The following PROC variants were observed in gnomAD, a reference collection of about 807,000 sequenced individuals.
The protein encoded by PROC is protein C, inactivator of coagulation factors Va and VIIIa.
A neutral mutation model predicts 36.3 loss-of-function variants in PROC; 22 were observed. That is an observed-to-expected ratio of 0.61 (90% confidence interval 0.43 to 0.86). PROC has a LOEUF of 0.86. Ranked by LOEUF, PROC falls within the 40% of genes least tolerant of loss-of-function variation. PROC has a pLI of 0.00. For synonymous variants in PROC, 218 were observed against 244.5 expected (o/e 0.89, Z 1.01); for missense variants, 526 against 629.7 (o/e 0.84, Z 1.76).
chr2:127,423,009 C>T (rs1409026267), intron 4 of PROC, 25 bp from the exon 5 acceptor site: 1 of 1,612,444 alleles, frequency 6.2e-7, no homozygotes, highest in African/African-American at 1.3e-5. Flanking sequence ...TGGCCGCTGA[C>T]CCCCTACCCC....
Position 127,426,392 on chromosome 2 carries a change from A to C in PROC, c.678+165A>C. On this transcript the variant is annotated intron_variant, in intron 7 of 8. Coordinates refer to ENST00000234071, the MANE Select transcript of PROC (RefSeq NM_000312.4). The surrounding 1 kb of genome is among the most constrained non-coding windows in gnomAD (Gnocchi z 7.0). ...TTCAGGGAAAGATGGACGCAACCTG[A>C]GGGGAGAGGAGCAGCCAGGGTGGGT... 1.4e-6 allele frequency: 1 copy of C among 710,310 alleles called. No homozygotes were observed. The highest frequency in any genetic ancestry group is 2.1e-6 in the Non-Finnish European group (1 of 477,984). 44.0% of individuals were successfully genotyped at this position (710,310 alleles called of 1,614,324 possible). A position where few individuals can be genotyped will look rare whatever the true frequency, so the allele number is the denominator to read the frequency against.
In PROC at chr2:127,422,938, G is replaced by A. The variant is rs145854591; in HGVS notation, c.259G>A (p.Val87Ile). The A allele has an allele frequency of 4.0e-5, 64 of 1,592,152 alleles. No individual in the cohort carries two copies. The Middle Eastern group carries it at 5.0e-4, about 12-fold the overall frequency. ...DDTLAFWSKH[V>I]DGDQCLVLPL... The stretch of plus-strand genomic sequence containing the variant: ...GCAGCTGGCCTTCTGGTCCAAGCAC[G>A]TCGGTGAGTGCGTTCTAGATCCCCG... Residue 87 changes from valine to isoleucine, a missense_variant, in exon 4 of 9, where the codon GTC (valine) becomes ATC (isoleucine). Transcript: ENST00000234071.
chr2:127,428,461 G>A lies in PROC; in HGVS notation c.901G>A (p.Ala301Thr), dbSNP rs1343264503. Residue 301 changes from alanine to threonine, a missense_variant, in exon 9 of 9, where the codon GCA (alanine) becomes ACA (threonine). By Grantham distance (58) the Ala-to-Thr change is moderately conservative (BLOSUM62 0). Coordinates refer to ENST00000234071, the MANE Select transcript of PROC (RefSeq NM_000312.4). ...CAAGAGCACCACCGACAATGACATCGCACTGCTGCACCTGGCCCAGCCCGC... is the reference window on the plus strand; with the variant it reads ...CAAGAGCACCACCGACAATGACATCACACTGCTGCACCTGGCCCAGCCCGC... ...YSKSTTDNDI[A>T]LLHLAQPATL... 4.3e-6 allele frequency: 7 copies of A among 1,614,042 alleles called. No homozygotes were observed. The highest frequency in any genetic ancestry group is 1.3e-5 in the African/African-American group (1 of 74,942).
At chr2:127,423,589 C>A in intron 6 of PROC, 181 bp downstream of exon 6, 1 of 779,726 alleles carries the variant, frequency 1.3e-6, no homozygotes, top group Non-Finnish European at 1.9e-6. Context: ...CGCAATCAGC[C>A]CGGGAGCTGG....
chr2:127,422,909 C>G lies in PROC; in HGVS notation c.238-8C>G. On this transcript the variant is annotated splice_region_variant and splice_polypyrimidine_tract_variant and intron_variant, in intron 3 of 8. Transcript: ENST00000234071. ...GCAGGAGCCTGACGCTGCCCGCTCTCTCCGCAGCTGGCCTTCTGGTCCAAG... is the reference window on the plus strand; with the variant it reads ...GCAGGAGCCTGACGCTGCCCGCTCTGTCCGCAGCTGGCCTTCTGGTCCAAG... 1 of 1,563,006 alleles carries G rather than the reference C, an allele frequency of 6.4e-7. No homozygotes were observed.
chr2:127,423,574 G>C, intron 6 of PROC, 166 bp downstream of exon 6: 2 of 891,992 alleles, frequency 2.2e-6, no homozygotes, highest in Non-Finnish European at 3.2e-6. Context: ...CGGGGCCACT[G>C]TTAGCGCAAT....
rs1318261693 is a variant in PROC, at chr2:127,421,318, G to T, written c.106G>T (p.Val36Leu). 4 of 1,613,860 alleles carry T rather than the reference G, an allele frequency of 2.5e-6. No individual in the cohort carries two copies. The highest frequency in any genetic ancestry group is 3.4e-6 in the Non-Finnish European group (4 of 1,179,904). ...VFSSSERAHQ[V>L]LRIRKRANSF... ...CTCCAGCAGCGAGCGTGCCCACCAG[G>T]TGCTGCGGATCCGCAAACGTGCCAA... The change falls in exon 3 of 9, where the codon GTG (valine) becomes TTG (leucine). Residue 36 changes from valine to leucine, a missense_variant. Coordinates refer to ENST00000234071, the MANE Select transcript of PROC (RefSeq NM_000312.4).
At chr2:127,427,441 C>T (rs907298609) in intron 8 of PROC, among the ~76,000 whole-genome samples, 2 of 143,896 alleles carry the variant, frequency 1.4e-5, no homozygotes, top group Admixed American at 6.9e-5. Context: ...GTGCCCTCTT[C>T]GAATCTGGGC....
rs769707197 is a variant in PROC at position 127,421,250 on chromosome 2, A to G, written c.71-33A>G. Reference sequence around the variant, plus strand: ...GCCCCAGCCCCTCTTAGGCCCCTCCACCAAGGTGAGCTCCCCCTCCCTCCA... The same window carrying G: ...GCCCCAGCCCCTCTTAGGCCCCTCCGCCAAGGTGAGCTCCCCCTCCCTCCA... On this transcript the variant is annotated intron_variant, in intron 2 of 8. Transcript: ENST00000234071. 2.5e-6 allele frequency: 4 copies of G among 1,610,372 alleles called. No individual in the cohort carries two copies. The African/African-American group carries it at 5.4e-5, about 22-fold the overall frequency.
In PROC at chr2:127,428,680, A is replaced by G. The variant is rs757880924; in HGVS notation, c.1120A>G (p.Ser374Gly). Residue 374 changes from serine to glycine, a missense_variant, in exon 9 of 9, where the codon AGC becomes GGC. Ser to Gly is a moderately conservative substitution (Grantham distance 56, BLOSUM62 0). Coordinates refer to ENST00000234071, the MANE Select transcript of PROC (RefSeq NM_000312.4). ...TCCCGTGGTCCCGCACAATGAGTGCAGCGAGGTCATGAGCAACATGGTGTC... is the reference window on the plus strand; with the variant it reads ...TCCCGTGGTCCCGCACAATGAGTGCGGCGAGGTCATGAGCAACATGGTGTC... ...KIPVVPHNEC[S>G]EVMSNMVSEN... 11 of 1,613,854 alleles carry G rather than the reference A, an allele frequency of 6.8e-6. No individual in the cohort carries two copies. The highest frequency in any genetic ancestry group is 4.0e-5 in the African/African-American group (3 of 74,966).
intron 6 of PROC, 127 bp downstream of exon 6, chr2:127,423,535 T>C: frequency 1.5e-6 from 2 of 1,290,944 alleles, no homozygotes; most frequent in East Asian, 2.9e-5. Flanking sequence ...GAGTTGAGCC[T>C]TGGGGCAGCG....
chr2:127,421,381 C>A lies in PROC; in HGVS notation c.169C>A (p.Arg57=). 1 of 1,613,892 alleles carries A rather than the reference C, an allele frequency of 6.2e-7. No homozygotes were observed. Among genetic ancestry groups the A allele is most frequent in the African/African-American group, 1.3e-5 (1 of 75,048 alleles). ...LEELRHSSLE[R]ECIEEICDFE... The stretch of plus-strand genomic sequence containing the variant: ...GGAGCTCCGTCACAGCAGCCTGGAG[C>A]GGGAGTGCATAGAGGAGATCTGTGA... The change falls in exon 3 of 9, where the codon CGG becomes AGG. Residue 57 remains arginine, a synonymous_variant. Transcript: ENST00000234071.
At position 127,428,978 on chromosome 2, in the gene PROC, G is replaced by A. The variant is rs759828747; in HGVS notation, c.*32G>A. ...TCCCTGCAGGGCTGGGCTTTTGCATGGCAATGGATGGGACATTAAAGGGAC... is the reference window on the plus strand; with the variant it reads ...TCCCTGCAGGGCTGGGCTTTTGCATAGCAATGGATGGGACATTAAAGGGAC... On this transcript the variant is annotated 3_prime_UTR_variant, in exon 9 of 9. Transcript: ENST00000234071. 9 of 1,607,162 alleles carry A rather than the reference G, an allele frequency of 5.6e-6. No individual in the cohort carries two copies. Among genetic ancestry groups the A allele is most frequent in the South Asian group, 4.4e-5 (4 of 90,924 alleles).
At position 127,426,291 on chromosome 2, in the gene PROC, C is replaced by A; in HGVS notation, c.678+64C>A. The A allele has an allele frequency of 1.2e-6, 2 of 1,606,018 alleles. No individual in the cohort carries two copies. Among genetic ancestry groups the A allele is most frequent in the Non-Finnish European group, 1.7e-6 (2 of 1,173,642 alleles). The stretch of plus-strand genomic sequence containing the variant: ...TCCGGGATCACTGAGTCCATCCTGG[C>A]AGCTATGCTCAGGGTGCAGAAACCG... On this transcript the variant is annotated intron_variant, in intron 7 of 8. Coordinates refer to ENST00000234071, the MANE Select transcript of PROC (RefSeq NM_000312.4). This position sits in a 1 kb window ranked among gnomAD's most constrained non-coding sequence, Gnocchi z 7.0.
intron 6 of PROC, chr2:127,423,690 C>A: frequency 2.1e-6 from 1 of 466,532 alleles, no homozygotes; most frequent in Middle Eastern, 5.5e-4. Flanking sequence ...CCTCCTGGAG[C>A]GCAAGCCCAG....
chr2:127,423,647 T>G, intron 6 of PROC: 2 of 517,734 alleles, frequency 3.9e-6, no homozygotes, highest in Non-Finnish European at 3.0e-6. Flanking sequence ...CGTCCCCGCC[T>G]TCCTCCGGGC....
intron 6 of PROC, among the ~76,000 whole-genome samples, chr2:127,424,695 AG>A (rs1284884644): frequency 7.9e-5 from 12 of 152,232 alleles, no homozygotes; most frequent in Admixed American, 3.3e-4. Context: ...AAGTAAAAAA[AG>A]ATCTAAAAAT....
intron 6 of PROC, among the ~76,000 whole-genome samples, chr2:127,425,336 C>T (rs1178914264): frequency 6.6e-6 from 1 of 152,216 alleles, no homozygotes; most frequent in Admixed American, 6.5e-5. Flanking sequence ...GATGCAGCTC[C>T]CCTGCTGACG....
intron 6 of PROC, among the ~76,000 whole-genome samples, chr2:127,424,054 T>A (rs1360731821): frequency 6.6e-6 from 1 of 152,158 alleles, no homozygotes; most frequent in African/African-American, 2.4e-5. Flanking sequence ...GGGACATTTA[T>A]CACTTATTTC....
Sources: allele counts gnomAD v4.1 joint callset (sites outside exome capture counted in the v4.1 genomes callset), GRCh38; gene constraint gnomAD v4.1.1; non-coding constraint Gnocchi (gnomAD v3.1); transcripts MANE v1.5; gene names NCBI Gene and HGNC (gene_info 2026-07-23, HGNC 2026-07-21).